RGS6: variants seen among roughly 807,000 people sequenced by gnomAD.
The protein encoded by RGS6 is regulator of G protein signaling 6.
A neutral mutation model predicts 78.5 loss-of-function variants in RGS6; 30 were observed. The observed-to-expected ratio is 0.38, with a 90% CI of 0.29 to 0.52. RGS6 has a LOEUF of 0.52. Ranked by LOEUF, RGS6 falls within the 20% of genes least tolerant of loss-of-function variation. The pLI, the probability that RGS6 is intolerant of heterozygous loss-of-function variation, is 0.85. For synonymous variants in RGS6, 206 were observed against 206.0 expected, an observed-to-expected ratio of 1.00 and a Z score of 0.00; for missense variants, 495 against 609.7, an observed-to-expected ratio of 0.81 and a Z score of 1.98.
chr14:72,562,462 T>C lies in RGS6; in HGVS notation c.1468T>C (p.Ser490Pro), dbSNP rs1390029249. 2.5e-6 allele frequency: 4 copies of C among 1,612,564 alleles called. No individual in the cohort carries two copies. The South Asian group carries it at 4.4e-5, about 18-fold the overall frequency. ...GCGCCTCACGGGCCTGATGCAGTCC[T>C]CCTGACCGTTCCTACCGCAGGTCCA... ...GKRLTGLMQS[S>P] is the part of the protein sequence containing the mutation. The change falls in exon 18 of 18, where the codon TCC becomes CCC. Residue 490 changes from serine (S) to proline (P), a missense_variant. Ser to Pro is a moderately conservative substitution (Grantham distance 74, BLOSUM62 -1). Coordinates refer to ENST00000553525, the MANE Select transcript of RGS6 (RefSeq NM_001204424.2).
At chr14:71,878,649 TG>T in the RGS6 span, among the ~76,000 whole-genome samples, 15 of 152,216 alleles carry the variant, frequency 9.9e-5, no homozygotes, top group African/African-American at 3.1e-4. Flanking sequence ...GGCAATGCCT[TG>T]CCCTGCTTTG....
intron 2 of RGS6, among the ~76,000 whole-genome samples, chr14:72,057,932 C>G (rs557765224): frequency 1.3e-5 from 2 of 152,354 alleles, no homozygotes; most frequent in South Asian, 4.1e-4. Context: ...GTGCTAGCCT[C>G]TGTTTTGAAT....
chr14:71,966,593 T>A (rs966006352), intron 2 of RGS6, among the ~76,000 whole-genome samples: 3 of 152,192 alleles, frequency 2.0e-5, no homozygotes, highest in Non-Finnish European at 2.9e-5. Context: ...AGTATGACTG[T>A]AAGTTAGTTC....
At chr14:72,397,189 G>T (rs1431607390) in intron 3 of RGS6, among the ~76,000 whole-genome samples, 1 of 152,172 alleles carries the variant, frequency 6.6e-6, no homozygotes, top group East Asian at 1.9e-4. Flanking sequence ...CCTTGAGCAT[G>T]GAATGTTCTT....
At chr14:72,481,023 A>C (rs2096366968) in intron 12 of RGS6, among the ~76,000 whole-genome samples, 1 of 152,086 alleles carries the variant, frequency 6.6e-6, no homozygotes, top group Non-Finnish European at 1.5e-5. Flanking sequence ...TTGCAAACTA[A>C]AGGGGCAGAA....
intron 2 of RGS6, among the ~76,000 whole-genome samples, chr14:72,053,025 C>T (rs1246601178): frequency 2.3e-5 from 1 of 44,406 alleles, no homozygotes; most frequent in African/African-American, 9.4e-5. Flanking sequence ...TTCTTTCTTT[C>T]TTTCCCCCTC....
intron 2 of RGS6, among the ~76,000 whole-genome samples, chr14:72,316,524 A>G (rs1302277765): frequency 1.3e-5 from 2 of 152,124 alleles, no homozygotes; most frequent in Admixed American, 6.5e-5. Context: ...GCTGAGAATG[A>G]TGGTTTCCAG....
the RGS6 span, among the ~76,000 whole-genome samples, chr14:71,926,107 T>G: frequency 6.6e-6 from 1 of 152,206 alleles, no homozygotes; most frequent in Non-Finnish European, 1.5e-5. Flanking sequence ...ATATACAGAT[T>G]CAGCACAATC....
At chr14:72,355,438 G>T (rs1018362880) in intron 3 of RGS6, among the ~76,000 whole-genome samples, 2 of 151,958 alleles carry the variant, frequency 1.3e-5, no homozygotes, top group Non-Finnish European at 2.9e-5. Context: ...TAGGTGATCC[G>T]CCCACCTTGG....
At chr14:71,978,010 A>G (rs2094231399) in intron 2 of RGS6, among the ~76,000 whole-genome samples, 1 of 151,252 alleles carries the variant, frequency 6.6e-6, no homozygotes, top group Admixed American at 6.6e-5. Flanking sequence ...TAGGTATTTT[A>G]TTCTCTTTGA....
intron 2 of RGS6, among the ~76,000 whole-genome samples, chr14:72,270,360 A>G (rs1005223754): frequency 2.0e-5 from 3 of 152,212 alleles, no homozygotes; most frequent in Non-Finnish European, 4.4e-5. Flanking sequence ...AGAAAGAAAG[A>G]GGAAATAAAA....
At chr14:72,214,365 A>G (rs2045025033) in intron 2 of RGS6, among the ~76,000 whole-genome samples, 1 of 151,842 alleles carries the variant, frequency 6.6e-6, no homozygotes, top group Non-Finnish European at 1.5e-5. Flanking sequence ...TTTGATGGAG[A>G]TGGAGTTTCA....
chr14:72,227,220 TAGG>T lies in RGS6; in HGVS notation c.85-124872_85-124870del, dbSNP rs561598000. On this transcript the variant is annotated intron_variant, in intron 2 of 17. Transcript: ENST00000553525. ...GAAACTTCTCACTTTATTTTGATAATAGGAGATTTGGTGAGCACCTTCATTCCT... is the reference window on the plus strand; with the variant it reads ...GAAACTTCTCACTTTATTTTGATAATAGATTTGGTGAGCACCTTCATTCCT... 2.3e-4 allele frequency among the ~76,000 whole-genome samples: 35 copies of T among 152,362 alleles called. 1 individual carries two copies. The East Asian group carries it at 6.4e-3, about 28-fold the overall frequency.
At chr14:71,926,924 G>C in the RGS6 span, among the ~76,000 whole-genome samples, 1 of 152,168 alleles carries the variant, frequency 6.6e-6, no homozygotes, top group Non-Finnish European at 1.5e-5. Flanking sequence ...AAACATGCCT[G>C]TCATTGATTC....
At chr14:72,041,048 C>A (rs569685504) in intron 2 of RGS6, among the ~76,000 whole-genome samples, 1 of 152,102 alleles carries the variant, frequency 6.6e-6, no homozygotes. Context: ...TATTTTGAAT[C>A]CTTTGTCAGG....
At chr14:72,015,596 G>C (rs2086780215) in intron 2 of RGS6, among the ~76,000 whole-genome samples, 1 of 152,174 alleles carries the variant, frequency 6.6e-6, no homozygotes, top group African/African-American at 2.4e-5. Context: ...TGTACTAGAG[G>C]TTGTCTAGAG....
At chr14:71,980,370 A>G (rs1282208674) in intron 2 of RGS6, among the ~76,000 whole-genome samples, 1 of 149,938 alleles carries the variant, frequency 6.7e-6, no homozygotes, top group Admixed American at 6.6e-5. Context: ...TGGTCTTTAC[A>G]TTTTGGTATG....
At chr14:72,613,012 G>C in the RGS6 span, among the ~76,000 whole-genome samples, 7 of 135,524 alleles carry the variant, frequency 5.2e-5, no homozygotes, top group African/African-American at 1.9e-4. Context: ...GTGTGTGTGT[G>C]TGTGTGTGTG....
intron 1 of RGS6, among the ~76,000 whole-genome samples, chr14:71,938,058 C>A (rs755468575): frequency 9.2e-5 from 14 of 152,164 alleles, no homozygotes; most frequent in Non-Finnish European, 1.6e-4. Context: ...TGGGTGGTGA[C>A]GGGTGGCTGG....
Sources: allele counts gnomAD v4.1 joint callset (sites outside exome capture counted in the v4.1 genomes callset), GRCh38; gene constraint gnomAD v4.1.1; transcripts MANE v1.5; gene names NCBI Gene and HGNC (gene_info 2026-07-23, HGNC 2026-07-21).